MAST2: variants seen among roughly 807,000 people sequenced by gnomAD.
MAST2 encodes microtubule-associated serine/threonine-protein kinase 2.
In MAST2, 70 loss-of-function variants were observed where a neutral mutation model predicts 147.4. The ratio of observed to expected loss-of-function variants is 0.47; its 90% confidence interval spans 0.39 to 0.58. MAST2 has a LOEUF of 0.58. MAST2 is among the 20% of genes least tolerant of loss of function. The probability of loss-of-function intolerance (pLI) is 0.00; values close to 1 mark genes in which losing one functional copy is unlikely to be tolerated. For synonymous variants in MAST2, 869 were observed against 896.8 expected (o/e 0.97, Z 0.55); for missense variants, 2,080 against 2,302.3 (o/e 0.90, Z 1.98).
intron 5 of MAST2, among the ~76,000 whole-genome samples, chr1:45,988,272 C>T (rs995868416): frequency 1.3e-5 from 2 of 152,090 alleles, no homozygotes; most frequent in Non-Finnish European, 2.9e-5. Flanking sequence ...CCTTGGCGTC[C>T]CAAAGTGCTA....
In MAST2 at chr1:46,030,778, C is replaced by G; in HGVS notation, c.2708+17C>G. ...CCCTGAGATGTGAGCACCCAGAGTT[C>G]ACCCAGGGTGGGCGACACAGCTATC... On this transcript the variant is annotated intron_variant, in intron 22 of 28. Transcript: ENST00000361297. The G allele has an allele frequency of 2.6e-6, 4 of 1,558,032 alleles. No individual in the cohort carries two copies. Among genetic ancestry groups the G allele is most frequent in the Non-Finnish European group, 2.6e-6 (3 of 1,156,116 alleles).
intron 5 of MAST2, among the ~76,000 whole-genome samples, chr1:45,971,166 TTGTAGTTGCAGCCCACTGGA>T (rs1276171049): frequency 8.5e-5 from 13 of 152,180 alleles, no homozygotes; most frequent in Admixed American, 3.9e-4. Context: ...TCAGGACTTG[TTGTAGTTGCAGCCCACTGGA>T]TGTAGTTGCA....
intron 9 of MAST2, 97 bp from the exon 10 acceptor site, chr1:46,010,632 AG>A: frequency 1.0e-6 from 1 of 983,968 alleles, no homozygotes; most frequent in South Asian, 1.5e-5. Flanking sequence ...CCAGGATCAG[AG>A]GGAGCCCATT....
Position 46,031,420 on chromosome 1 carries a change from C to G in MAST2, c.3022C>G (p.Gln1008Glu). 2 of 1,613,838 alleles carry G rather than the reference C, an allele frequency of 1.2e-6. No homozygotes were observed. Among genetic ancestry groups the G allele is most frequent in the Non-Finnish European group, 1.7e-6 (2 of 1,179,810 alleles). Residue 1008 changes from glutamine (Q) to glutamate (E), a missense_variant, in exon 24 of 29, where the codon CAG (glutamine) becomes GAG (glutamate). This residue lies in a region of MAST2 where 1,278 missense variants were observed against 1,304.2 expected (regional missense o/e 0.98). Transcript: ENST00000361297. This position sits in a 1 kb window ranked among gnomAD's most constrained non-coding sequence, Gnocchi z 4.1. The part of the protein sequence containing the change: ...AMETRGRGTS[Q>E]LAEGATAKAI... ...GGAGACCCGAGGCCGTGGGACCTCA[C>G]AGCTGGCTGAGGGAGCCACAGCCAA... is the stretch of plus-strand genomic sequence containing the variant.
chr1:45,905,552 G>A (rs1050829903), intron 4 of MAST2, among the ~76,000 whole-genome samples: 6 of 152,178 alleles, frequency 3.9e-5, no homozygotes, highest in African/African-American at 4.8e-5. Flanking sequence ...GCCAAGGCGC[G>A]GATCACGAGC....
intron 3 of MAST2, among the ~76,000 whole-genome samples, chr1:45,879,324 A>G (rs926889675): frequency 3.3e-5 from 5 of 152,220 alleles, no homozygotes; most frequent in South Asian, 4.1e-4. Flanking sequence ...TGTAATCCCA[A>G]CACTTTGGGA....
chr1:45,927,434 G>A (rs1349050435), intron 4 of MAST2, among the ~76,000 whole-genome samples: 2 of 152,132 alleles, frequency 1.3e-5, no homozygotes, highest in Non-Finnish European at 1.5e-5. Flanking sequence ...CCACGCCCAG[G>A]GGGGCTGTTT....
Position 46,034,905 on chromosome 1 carries a change from A to C in MAST2, c.4236A>C (p.Ala1412=), listed in dbSNP as rs768893653. The change falls in exon 29 of 29, where the codon GCA becomes GCC. Residue 1412 remains alanine (A), a synonymous_variant. Transcript: ENST00000361297. ...GGGTGCAGTCGGCTGAGAAACTGGC[A>C]GCAGCACTTGCCGCCTCTGAGAAGA... ...LKRVQSAEKL[A]AALAASEKKL... 5.6e-6 allele frequency: 9 copies of C among 1,614,178 alleles called. No individual in the cohort carries two copies. In the Admixed American group the frequency reaches 1.5e-4, roughly 27 times the overall value.
At chr1:45,940,683 G>C (rs1225439112) in intron 4 of MAST2, among the ~76,000 whole-genome samples, 1 of 150,818 alleles carries the variant, frequency 6.6e-6, no homozygotes, top group Non-Finnish European at 1.5e-5. Context: ...GCAGTGGCGC[G>C]ATCTCGGCTC....
chr1:46,012,753 G>A (rs1165587082), intron 10 of MAST2, among the ~76,000 whole-genome samples: 1 of 152,000 alleles, frequency 6.6e-6, no homozygotes, highest in Non-Finnish European at 1.5e-5. Context: ...CCAGCACTTT[G>A]GGAGGCCAGG....
intron 5 of MAST2, among the ~76,000 whole-genome samples, chr1:45,980,870 C>T (rs1294844163): frequency 1.3e-5 from 2 of 151,988 alleles, no homozygotes; most frequent in Non-Finnish European, 2.9e-5. Flanking sequence ...CTTCCTTCCC[C>T]CAAAATAAGA....
intron 4 of MAST2, among the ~76,000 whole-genome samples, chr1:45,885,821 C>T (rs1282098419): frequency 1.3e-5 from 2 of 152,140 alleles, no homozygotes; most frequent in Non-Finnish European, 2.9e-5. Flanking sequence ...GGTCCCTGTG[C>T]TCATGGAGTT....
intron 4 of MAST2, among the ~76,000 whole-genome samples, chr1:45,922,895 G>A (rs1034794697): frequency 1.2e-4 from 18 of 152,182 alleles, no homozygotes; most frequent in African/African-American, 2.2e-4. Context: ...CTGCTCCAAC[G>A]CATCGAGTCT....
intron 2 of MAST2, among the ~76,000 whole-genome samples, chr1:45,825,846 G>A (rs992948964): frequency 6.6e-6 from 1 of 151,858 alleles, no homozygotes; most frequent in Non-Finnish European, 1.5e-5. Flanking sequence ...GGAGACCAAG[G>A]CAGGCAGATC....
chr1:45,909,679 A>C (rs1331114596), intron 4 of MAST2, among the ~76,000 whole-genome samples: 1 of 151,810 alleles, frequency 6.6e-6, no homozygotes, highest in Non-Finnish European at 1.5e-5. Context: ...CCCCACGCCC[A>C]GCTAATTTTT....
intron 2 of MAST2, among the ~76,000 whole-genome samples, chr1:45,827,095 T>C (rs1221982856): frequency 6.6e-6 from 1 of 152,196 alleles, no homozygotes; most frequent in Non-Finnish European, 1.5e-5. Context: ...CCCAAAGTGC[T>C]GGAATTACAG....
Position 45,913,281 on chromosome 1 carries a change from G to T in MAST2, c.500+30886G>T, listed in dbSNP as rs536762870. Among the ~76,000 whole-genome samples, 18 of 152,284 alleles carry T rather than the reference G, an allele frequency of 1.2e-4. 1 individual carries two copies. The highest frequency in any genetic ancestry group is 2.2e-4 in the Non-Finnish European group (15 of 68,012). ...TGAGAATGAATAATGCTGCAGAAAC[G>T]CCCACATAGTCTTCGCTCATTATTT... On this transcript the variant is annotated intron_variant, in intron 4 of 28. Coordinates refer to ENST00000361297, the MANE Select transcript of MAST2 (RefSeq NM_015112.3).
intron 1 of MAST2, among the ~76,000 whole-genome samples, chr1:45,807,283 A>C (rs1472316566): frequency 6.6e-6 from 1 of 152,004 alleles, no homozygotes; most frequent in Non-Finnish European, 1.5e-5. Flanking sequence ...CCTGTTCCTG[A>C]AATGTTCCTT....
In MAST2 at chr1:46,031,083, C is replaced by T. The variant is rs1389345208; in HGVS notation, c.2785C>T (p.Arg929Cys). Residue 929 changes from arginine to cysteine, a missense_variant, in exon 23 of 29, where the codon CGC (arginine) becomes TGC (cysteine). By Grantham distance (180) the Arg-to-Cys change is radical. Coordinates refer to ENST00000361297, the MANE Select transcript of MAST2 (RefSeq NM_015112.3). This position sits in a 1 kb window ranked among gnomAD's most constrained non-coding sequence, Gnocchi z 4.1. The part of the protein sequence containing the change: ...DSSPPMTVRR[R>C]CSGLLDAPRF... ...AAGCCCTCCAATGACAGTGCGACGC[C>T]GCTGCTCAGGCCTCCTGGATGCGCC... The T allele has an allele frequency of 1.2e-6, 2 of 1,613,418 alleles. No homozygotes were observed. Among genetic ancestry groups the T allele is most frequent in the South Asian group, 1.1e-5 (1 of 90,996 alleles).
Sources: allele counts gnomAD v4.1 joint callset (sites outside exome capture counted in the v4.1 genomes callset), GRCh38; gene constraint gnomAD v4.1.1; regional missense constraint gnomAD v4.1.1; non-coding constraint Gnocchi (gnomAD v3.1); transcripts MANE v1.5; gene names NCBI Gene and HGNC (gene_info 2026-07-23, HGNC 2026-07-21).